The following SNX29 variants were observed in gnomAD, a reference collection of about 807,000 sequenced individuals.
The protein encoded by SNX29 is sorting nexin 29.
A neutral mutation model predicts 102.1 loss-of-function variants in SNX29; 78 were observed. The ratio of observed to expected loss-of-function variants is 0.76; its 90% CI spans 0.64 to 0.92. The LOEUF (loss-of-function observed/expected upper bound fraction) is 0.92, where lower values mean the gene tolerates loss of function less well. Among genes scored for constraint, SNX29 ranks in the 40% least tolerant of loss-of-function variants. SNX29 has a pLI of 0.00. For synonymous variants in SNX29, 580 were observed against 414.5 expected, an observed-to-expected ratio of 1.40 and a Z score of -4.85; for missense variants, 1,280 against 1,061.7, an observed-to-expected ratio of 1.21 and a Z score of -2.86.
intron 20 of SNX29, among the ~76,000 whole-genome samples, chr16:12,548,548 C>T (rs561770483): frequency 1.3e-5 from 2 of 152,294 alleles, no homozygotes; most frequent in East Asian, 3.9e-4. Flanking sequence ...GGAATTCCCT[C>T]TAGGGATTTT....
In SNX29 at chr16:12,042,535, G is replaced by T. The variant is rs547350477; in HGVS notation, c.248-362G>T. ...TGTTGTTTGCCATCTTTATGTCTGT[G>T]TGTACCCAGGGTTGAGCTTCCATTT... On this transcript the variant is annotated intron_variant, in intron 4 of 20. Coordinates refer to ENST00000566228, the MANE Select transcript of SNX29 (RefSeq NM_032167.5). 5.9e-5 allele frequency among the ~76,000 whole-genome samples: 9 copies of T among 152,288 alleles called. No individual in the cohort carries two copies. In the South Asian group the frequency reaches 1.0e-3, roughly 18 times the overall value.
chr16:12,543,303 G>T (rs892237721), intron 20 of SNX29, among the ~76,000 whole-genome samples: 1 of 152,186 alleles, frequency 6.6e-6, no homozygotes, highest in Non-Finnish European at 1.5e-5. Context: ...GTGGCCCGGG[G>T]AATGGAGCAC....
intron 20 of SNX29, among the ~76,000 whole-genome samples, chr16:12,559,442 A>G (rs923593491): frequency 9.9e-5 from 15 of 151,478 alleles, no homozygotes; most frequent in Admixed American, 5.9e-4. Flanking sequence ...CAGGGCTCCC[A>G]ATGATTCTAC....
At chr16:12,154,598 C>G (rs532640804) in intron 13 of SNX29, among the ~76,000 whole-genome samples, 3 of 152,248 alleles carry the variant, frequency 2.0e-5, no homozygotes, top group African/African-American at 7.2e-5. Context: ...CTTTCACCCA[C>G]AGCAGGTGAC....
chr16:12,389,538 G>T (rs1350948285), intron 16 of SNX29, among the ~76,000 whole-genome samples: 1 of 152,032 alleles, frequency 6.6e-6, no homozygotes, highest in Non-Finnish European at 1.5e-5. Context: ...TGGCCATGTG[G>T]AACTGTGAGT....
At position 12,010,420 on chromosome 16, in the gene SNX29, G is replaced by C. The variant is rs543237166; in HGVS notation, c.122+7377G>C. 2.4e-4 allele frequency among the ~76,000 whole-genome samples: 36 copies of C among 152,192 alleles called. 1 individual carries two copies. The South Asian group carries it at 6.6e-3, about 28-fold the overall frequency. On this transcript the variant is annotated intron_variant, in intron 3 of 20. Transcript: ENST00000566228. Reference sequence around the variant, plus strand: ...GAGGATCACTTGATCCCAGGAGTTCGAGACCAGCCTGGCCAACATGGCGAA... The same window carrying C: ...GAGGATCACTTGATCCCAGGAGTTCCAGACCAGCCTGGCCAACATGGCGAA...
chr16:12,555,203 C>G (rs961011992), intron 20 of SNX29, among the ~76,000 whole-genome samples: 2 of 151,940 alleles, frequency 1.3e-5, no homozygotes, highest in East Asian at 2.0e-4. Context: ...GCAGACTGGA[C>G]TATGGGCAGC....
chr16:12,049,376 G>A (rs1248615948), intron 7 of SNX29, among the ~76,000 whole-genome samples: 2 of 150,292 alleles, frequency 1.3e-5, no homozygotes, highest in African/African-American at 2.5e-5. Context: ...TCTATTGCCC[G>A]GGTTGGAGTG....
At chr16:12,448,419 C>T (rs538339872) in intron 18 of SNX29, among the ~76,000 whole-genome samples, 25 of 151,982 alleles carry the variant, frequency 1.6e-4, no homozygotes, top group African/African-American at 5.8e-4. Flanking sequence ...TGCTGGTGAA[C>T]ATGTTTTTCA....
intron 13 of SNX29, among the ~76,000 whole-genome samples, chr16:12,178,211 G>C (rs1043307383): frequency 6.6e-6 from 1 of 152,116 alleles, no homozygotes; most frequent in African/African-American, 2.4e-5. Context: ...AGCATCTCGT[G>C]GTTACAGGGA....
intron 16 of SNX29, among the ~76,000 whole-genome samples, chr16:12,392,894 G>C (rs1206904654): frequency 6.6e-6 from 1 of 152,230 alleles, no homozygotes; most frequent in Non-Finnish European, 1.5e-5. Context: ...GATAGCCCAG[G>C]CTGACTTTAT....
chr16:12,320,325 G>T (rs2080889789), intron 15 of SNX29, among the ~76,000 whole-genome samples: 1 of 152,090 alleles, frequency 6.6e-6, no homozygotes, highest in Non-Finnish European at 1.5e-5. Context: ...GGAAGGAACT[G>T]CAGGAGAGTC....
At chr16:12,382,705 G>C (rs2151436216) in intron 16 of SNX29, among the ~76,000 whole-genome samples, 1 of 152,312 alleles carries the variant, frequency 6.6e-6, no homozygotes, top group East Asian at 1.9e-4. Flanking sequence ...GCCAGCAGTG[G>C]CAGGGCTGTG....
intron 18 of SNX29, among the ~76,000 whole-genome samples, chr16:12,426,619 C>G (rs538540339): frequency 3.3e-5 from 5 of 152,020 alleles, no homozygotes; most frequent in African/African-American, 9.7e-5. Flanking sequence ...TTTTAAAATT[C>G]TTTTTAAGGT....
intron 15 of SNX29, among the ~76,000 whole-genome samples, chr16:12,350,339 C>G (rs560208955): frequency 6.6e-6 from 1 of 152,276 alleles, no homozygotes; most frequent in South Asian, 2.1e-4. Context: ...TTACATAGCA[C>G]TTACATCATA....
At chr16:12,081,674 C>CAAAAAAAAAAAAAAAAAAAAAAAAA (rs1196859241) in intron 11 of SNX29, 10 of 95,374 alleles carry the variant, frequency 1.0e-4, no homozygotes, top group Admixed American at 1.3e-4. Context: ...CTCTTTGTCT[C>CAAAAAAAAAAAAAAAAAAAAAAAAA]AAAAAAAAAA....
At chr16:12,522,657 C>T (rs2090144268) in intron 19 of SNX29, among the ~76,000 whole-genome samples, 2 of 152,132 alleles carry the variant, frequency 1.3e-5, no homozygotes, top group South Asian at 4.1e-4. Flanking sequence ...CTGCTCCGGC[C>T]ACGTAAGATG....
intron 19 of SNX29, among the ~76,000 whole-genome samples, chr16:12,516,969 G>C (rs137924203): frequency 6.6e-6 from 1 of 152,134 alleles, no homozygotes; most frequent in African/African-American, 2.4e-5. Flanking sequence ...TTATCTTCTT[G>C]AAGCTCAAAA....
chr16:12,258,634 G>A (rs1180895998), intron 14 of SNX29, among the ~76,000 whole-genome samples: 5 of 152,106 alleles, frequency 3.3e-5, no homozygotes, highest in African/African-American at 1.2e-4. Flanking sequence ...CATGGCAGTC[G>A]CTCACAATGT....
Sources: gnomAD v4.1 joint callset for allele counts (sites outside exome capture counted in the v4.1 genomes callset) on GRCh38, gnomAD v4.1.1 for gene constraint, MANE v1.5 for transcripts, NCBI Gene and HGNC (gene_info 2026-07-23, HGNC 2026-07-21) for gene names.